The following LRRC4C variants were observed in gnomAD, a reference collection of about 807,000 sequenced individuals.
LRRC4C encodes the protein leucine rich repeat containing 4C.
A neutral mutation model predicts 33.6 loss-of-function variants in LRRC4C; 5 were observed. That is an observed-to-expected ratio of 0.15 (90% CI 0.08 to 0.31). The LOEUF is 0.31. Ranked by LOEUF, LRRC4C falls within the 10% of genes least tolerant of loss-of-function variation. LRRC4C has a pLI of 1.00. For missense variants in LRRC4C, 560 were observed against 796.7 expected, an observed-to-expected ratio of 0.70 and a Z score of 3.58; for synonymous variants, 329 against 302.0, an observed-to-expected ratio of 1.09 and a Z score of -0.93.
intron 1 of LRRC4C, among the ~76,000 whole-genome samples, chr11:41,117,856 A>AGT (rs1942220120): frequency 6.6e-6 from 1 of 152,176 alleles, no homozygotes; most frequent in Non-Finnish European, 1.5e-5. Context: ...TTATGAGCAG[A>AGT]GTGCAAGAAT....
At chr11:41,457,456 T>C (rs1330355953) in intron 1 of LRRC4C, among the ~76,000 whole-genome samples, 1 of 152,122 alleles carries the variant, frequency 6.6e-6, no homozygotes, top group African/African-American at 2.4e-5. Flanking sequence ...CCATGACCCA[T>C]TGGCACTTGG....
chr11:40,307,798 A>G (rs1036768442), intron 4 of LRRC4C, among the ~76,000 whole-genome samples: 1 of 152,230 alleles, frequency 6.6e-6, no homozygotes, highest in Non-Finnish European at 1.5e-5. Flanking sequence ...TAAAAATGTT[A>G]AAGTAAACTA....
At chr11:40,613,737 G>A (rs927643118) in intron 3 of LRRC4C, among the ~76,000 whole-genome samples, 3 of 151,796 alleles carry the variant, frequency 2.0e-5, no homozygotes, top group Non-Finnish European at 2.9e-5. Flanking sequence ...CTTATGAAAG[G>A]TATGTCTCAA....
chr11:40,821,289 C>T (rs1024518866), intron 2 of LRRC4C, among the ~76,000 whole-genome samples: 1 of 151,510 alleles, frequency 6.6e-6, no homozygotes, highest in Non-Finnish European at 1.5e-5. Context: ...GGAAATTGAC[C>T]AACTGCTCCT....
intron 1 of LRRC4C, among the ~76,000 whole-genome samples, chr11:41,320,713 C>T (rs1325934108): frequency 6.6e-6 from 1 of 151,926 alleles, no homozygotes; most frequent in Non-Finnish European, 1.5e-5. Context: ...CTCTTTTTTT[C>T]CATGGACCTG....
At chr11:40,813,123 C>T (rs992995832) in intron 2 of LRRC4C, among the ~76,000 whole-genome samples, 6 of 152,132 alleles carry the variant, frequency 3.9e-5, no homozygotes, top group East Asian at 1.9e-4. Context: ...AGAATAAAAT[C>T]TAATTGCCCA....
At chr11:41,385,041 C>A (rs1040456419) in intron 1 of LRRC4C, among the ~76,000 whole-genome samples, 4 of 149,952 alleles carry the variant, frequency 2.7e-5, no homozygotes, top group Admixed American at 6.7e-5. Flanking sequence ...TACAATTGTC[C>A]AGGAAATTAT....
intron 1 of LRRC4C, among the ~76,000 whole-genome samples, chr11:40,969,786 C>A (rs1007844590): frequency 2.0e-5 from 3 of 152,052 alleles, no homozygotes; most frequent in Non-Finnish European, 4.4e-5. Flanking sequence ...TTTGTGACTC[C>A]CATTATTGCA....
chr11:40,456,865 G>A (rs2138141969), intron 3 of LRRC4C, among the ~76,000 whole-genome samples: 1 of 148,884 alleles, frequency 6.7e-6, no homozygotes, highest in East Asian at 2.0e-4. Context: ...GGAAGAGAGA[G>A]AAAGAGAAAG....
intron 3 of LRRC4C, among the ~76,000 whole-genome samples, chr11:40,403,993 C>T (rs1032758028): frequency 6.6e-6 from 1 of 152,140 alleles, no homozygotes; most frequent in Admixed American, 6.6e-5. Flanking sequence ...TTTCATGGCT[C>T]CCTCCTGCAC....
chr11:41,381,647 G>T (rs2939754), intron 1 of LRRC4C, among the ~76,000 whole-genome samples: 144,897 of 149,462 alleles, frequency 0.97, 70,394 homozygotes, highest in East Asian at 1. Flanking sequence ...AAAGAAAAAA[G>T]AAAGATGGAA....
chr11:40,986,503 G>C (rs892307968), intron 1 of LRRC4C, among the ~76,000 whole-genome samples: 1 of 152,040 alleles, frequency 6.6e-6, no homozygotes, highest in Non-Finnish European at 1.5e-5. Flanking sequence ...AGAAGCTGAG[G>C]ATCACTTGAG....
chr11:41,178,896 T>A (rs1441376225), intron 1 of LRRC4C, among the ~76,000 whole-genome samples: 1 of 152,054 alleles, frequency 6.6e-6, no homozygotes. Context: ...AGAGACAGGG[T>A]TTCACCATCT....
intron 1 of LRRC4C, among the ~76,000 whole-genome samples, chr11:41,080,361 T>G (rs1015186855): frequency 4.7e-5 from 7 of 148,712 alleles, no homozygotes; most frequent in African/African-American, 1.7e-4. Flanking sequence ...TTTTTTTTTT[T>G]TTTGTTTGAG....
intron 2 of LRRC4C, among the ~76,000 whole-genome samples, chr11:40,812,514 TG>T (rs1951532676): frequency 6.6e-6 from 1 of 152,200 alleles, no homozygotes; most frequent in Non-Finnish European, 1.5e-5. Context: ...TGGTTCTCTA[TG>T]TTAAAATATA....
chr11:40,730,027 T>G (rs1397919462), intron 2 of LRRC4C, among the ~76,000 whole-genome samples: 8 of 152,082 alleles, frequency 5.3e-5, no homozygotes, highest in African/African-American at 1.9e-4. Context: ...ACACCGCATA[T>G]TCTCACTCAT....
At chr11:41,294,679 A>G (rs573985961) in intron 1 of LRRC4C, among the ~76,000 whole-genome samples, 107 of 152,306 alleles carry the variant, frequency 7.0e-4, no homozygotes, top group African/African-American at 2.5e-3. Context: ...TTATATTCCA[A>G]TGGAACTCAC....
chr11:40,484,547 A>G (rs1424969624), intron 3 of LRRC4C, among the ~76,000 whole-genome samples: 2 of 152,076 alleles, frequency 1.3e-5, no homozygotes, highest in Non-Finnish European at 2.9e-5. Context: ...CAAACAAGAA[A>G]CTAACAATTA....
At chr11:40,984,260 G>C (rs1480886148) in intron 1 of LRRC4C, among the ~76,000 whole-genome samples, 3 of 144,948 alleles carry the variant, frequency 2.1e-5, no homozygotes, top group African/African-American at 7.7e-5. Flanking sequence ...AGGAAGACAA[G>C]AAGGAAAGAA....
Sources: allele counts gnomAD v4.1 joint callset (sites outside exome capture counted in the v4.1 genomes callset), GRCh38; gene constraint gnomAD v4.1.1; transcripts MANE v1.5; gene names NCBI Gene and HGNC (gene_info 2026-07-23, HGNC 2026-07-21).